Variants in MACF1 observed in about 807,000 individuals in gnomAD.
MACF1 encodes the protein microtubule-actin cross-linking factor 1.
MACF1 carries 193 observed loss-of-function variants against 854.8 expected under a neutral mutation model. That is an observed-to-expected ratio of 0.23 (90% CI 0.20 to 0.25). The LOEUF is 0.25. MACF1 is among the 10% of genes least tolerant of loss of function. The pLI is 1.00. For synonymous variants in MACF1, 3,185 were observed against 3,226.7 expected, an observed-to-expected ratio of 0.99 and a Z score of 0.44; for missense variants, 7,722 against 8,929.1, an observed-to-expected ratio of 0.86 and a Z score of 5.45.
chr1:39,301,158 G>A (rs57857317), intron 22 of MACF1, among the ~76,000 whole-genome samples: 9,942 of 151,634 alleles, frequency 0.066, 833 homozygotes, highest in African/African-American at 0.2. Flanking sequence ...ATGAAGTCTC[G>A]CCCTGTCGCC....
chr1:39,098,143 A>G (rs1345895508), intron 2 of MACF1, among the ~76,000 whole-genome samples: 1 of 152,234 alleles, frequency 6.6e-6, no homozygotes, highest in African/African-American at 2.4e-5. Context: ...GATTCCTTCA[A>G]GAGTGAAGAT....
Position 39,335,090 on chromosome 1 carries a change from G to A in MACF1, c.8502G>A (p.Glu2834=). The change falls in exon 37 of 101, where the codon GAG becomes GAA. Residue 2834 remains glutamate, a synonymous_variant. Coordinates refer to ENST00000564288, the MANE Select transcript of MACF1 (RefSeq NM_001394062.1). ...TTAAAGTGAGAGTTTCTGATGGGGA[G>A]CAGGCAAAAAAGAGCAGGGAAATTT... ...EKVKVRVSDG[E]QAKKSREISL... is the part of the protein sequence containing the mutation. The A allele has an allele frequency of 6.2e-7, 1 of 1,613,998 alleles. No homozygotes were observed. Among genetic ancestry groups the A allele is most frequent in the South Asian group, 1.1e-5 (1 of 91,060 alleles).
intron 1 of MACF1, among the ~76,000 whole-genome samples, chr1:39,223,494 G>A (rs1210360863): frequency 1.3e-5 from 2 of 152,210 alleles, no homozygotes; most frequent in East Asian, 3.9e-4. Context: ...ACCTAAGTAG[G>A]TGCTGAATAA....
At position 39,291,944 on chromosome 1, in the gene MACF1, T is replaced by C; in HGVS notation, c.1820T>C (p.Leu607Pro). 6.2e-7 allele frequency: 1 copy of C among 1,614,028 alleles called. No individual in the cohort carries two copies. Residue 607 changes from leucine to proline, a missense_variant, in exon 16 of 101, where the codon CTG (leucine) becomes CCG (proline). Transcript: ENST00000564288. ...KLERAEWGND[L>P]PSVELQLETQ... Reference sequence around the variant, plus strand: ...GAGCGAGCAGAGTGGGGCAATGACCTGCCTAGTGTGGAGTTGCAGCTAGAA... The same window carrying C: ...GAGCGAGCAGAGTGGGGCAATGACCCGCCTAGTGTGGAGTTGCAGCTAGAA...
chr1:39,435,833 T>A (rs572554821), intron 70 of MACF1, 72 bp downstream of exon 70: 1 of 1,377,912 alleles, frequency 7.3e-7, no homozygotes, highest in Non-Finnish European at 1.0e-6. Context: ...GTATCAGGTA[T>A]GTCTCTGTGC....
At position 39,485,869 on chromosome 1, in the gene MACF1, C is replaced by T. The variant is rs913438198; in HGVS notation, c.*75C>T. Reference sequence around the variant, plus strand: ...ACATTGGGTGTATATTTATTCTGAACGGGAGAAGTTATATTGTTAAAAGTG... The same window carrying T: ...ACATTGGGTGTATATTTATTCTGAATGGGAGAAGTTATATTGTTAAAAGTG... On this transcript the variant is annotated 3_prime_UTR_variant, in exon 101 of 101. Coordinates refer to ENST00000564288, the MANE Select transcript of MACF1 (RefSeq NM_001394062.1). 59 of 1,395,150 alleles carry T rather than the reference C, an allele frequency of 4.2e-5. No homozygotes were observed. In the Middle Eastern group the frequency reaches 5.6e-4, roughly 13 times the overall value. The allele number at this position is 1,395,150 out of a possible 1,614,324, so 86.4% of individuals were successfully genotyped here.
chr1:39,435,322 A>G (rs1390756893), intron 69 of MACF1, among the ~76,000 whole-genome samples: 4 of 152,222 alleles, frequency 2.6e-5, no homozygotes, highest in African/African-American at 9.6e-5. Context: ...GTTTCCAGGA[A>G]GGCTGCTAGG....
At chr1:39,101,386 A>G (rs1642072154) in intron 2 of MACF1, among the ~76,000 whole-genome samples, 1 of 129,868 alleles carries the variant, frequency 7.7e-6, no homozygotes, top group African/African-American at 2.7e-5. Flanking sequence ...ATATATATAT[A>G]TATGTGTGTG....
intron 58 of MACF1, among the ~76,000 whole-genome samples, chr1:39,398,386 A>G (rs1263569302): frequency 6.6e-6 from 1 of 151,832 alleles, no homozygotes; most frequent in Non-Finnish European, 1.5e-5. Context: ...TGATCTGCCT[A>G]CCTCAGCCTC....
intron 40 of MACF1, among the ~76,000 whole-genome samples, chr1:39,346,153 G>A (rs1215266163): frequency 6.6e-6 from 1 of 151,410 alleles, no homozygotes; most frequent in Non-Finnish European, 1.5e-5. Flanking sequence ...CATGAGGTCA[G>A]GAGATCGAGA....
At chr1:39,190,063 C>T (rs1460193461) in intron 2 of MACF1, among the ~76,000 whole-genome samples, 1 of 152,142 alleles carries the variant, frequency 6.6e-6, no homozygotes, top group Non-Finnish European at 1.5e-5. Flanking sequence ...AAGAACAGAA[C>T]TGGACCTATA....
chr1:39,328,133 G>A (rs1646651484), intron 36 of MACF1, among the ~76,000 whole-genome samples: 1 of 152,164 alleles, frequency 6.6e-6, no homozygotes, highest in African/African-American at 2.4e-5. Flanking sequence ...GACAAAGCAT[G>A]TCTTGATTCT....
chr1:39,337,392 T>C, intron 38 of MACF1, 61 bp downstream of exon 38: 2 of 1,563,976 alleles, frequency 1.3e-6, no homozygotes, highest in South Asian at 2.3e-5. Flanking sequence ...TCCATCTTCC[T>C]TGAAGATTTC....
intron 89 of MACF1, chr1:39,456,797 C>T (rs1644449269): frequency 6.6e-6 from 1 of 152,314 alleles, no homozygotes; most frequent in Admixed American, 6.6e-5. Context: ...CATCACTCCC[C>T]AAGTCCCTGT....
chr1:39,230,045 G>C (rs1054613394), intron 1 of MACF1, among the ~76,000 whole-genome samples: 2 of 152,226 alleles, frequency 1.3e-5, no homozygotes, highest in African/African-American at 4.8e-5. Context: ...CAATATGTGT[G>C]TCCCAAATGC....
At position 39,334,956 on chromosome 1, in the gene MACF1, G is replaced by A. The variant is rs2148473896; in HGVS notation, c.8368G>A (p.Gly2790Arg). 1 of 1,614,164 alleles carries A rather than the reference G, an allele frequency of 6.2e-7. No homozygotes were observed. The highest frequency in any genetic ancestry group is 1.1e-5 in the South Asian group (1 of 91,084). The change falls in exon 37 of 101, where the codon GGA becomes AGA. Residue 2790 changes from glycine (G) to arginine (R), a missense_variant. By Grantham distance (125) the Gly-to-Arg change is moderately radical. Around this residue, in one of 15 missense-constraint regions of MACF1, gnomAD observed 1,531 missense variants for 1,601.6 expected, o/e 0.96. Transcript: ENST00000564288. ...EVCALQNEFL[G>R]KDMLIACNQT... is the part of the protein sequence containing the mutation. ...GTGTGCATTACAAAATGAATTTCTA[G>A]GAAAGGATATGTTAATTGCTTGTAA...
In MACF1 at chr1:39,336,130, C is replaced by G. The variant is rs908910297; in HGVS notation, c.9542C>G (p.Ala3181Gly). 9 of 1,614,130 alleles carry G rather than the reference C, an allele frequency of 5.6e-6. 1 individual carries two copies. The highest frequency in any genetic ancestry group is 3.3e-5 in the Admixed American group (2 of 60,018). ...TACCAAGAAGTATCTTTTGACCCAGCAAGAGGTCTTAAATTGGAAGAAATC... is the reference window on the plus strand; with the variant it reads ...TACCAAGAAGTATCTTTTGACCCAGGAAGAGGTCTTAAATTGGAAGAAATC... ...KSYQEVSFDPARGLKLEEITV... is the reference protein window; with the variant it reads ...KSYQEVSFDPGRGLKLEEITV... Residue 3181 changes from alanine to glycine, a missense_variant, in exon 37 of 101, where the codon GCA (alanine) becomes GGA (glycine). Transcript: ENST00000564288.
At chr1:39,482,021 G>C (rs1645020440) in intron 99 of MACF1, among the ~76,000 whole-genome samples, 1 of 152,112 alleles carries the variant, frequency 6.6e-6, no homozygotes. Flanking sequence ...AATGGCTCCA[G>C]TTTCATAAAA....
At chr1:39,403,351 G>A (rs968007728) in intron 58 of MACF1, among the ~76,000 whole-genome samples, 5 of 152,018 alleles carry the variant, frequency 3.3e-5, no homozygotes, top group Admixed American at 6.6e-5. Context: ...TGCCTGTCTC[G>A]GCCTCCCAAA....
Sources: gnomAD v4.1 joint callset for allele counts (sites outside exome capture counted in the v4.1 genomes callset) on GRCh38, gnomAD v4.1.1 for gene constraint, gnomAD v4.1.1 regional missense constraint, MANE v1.5 for transcripts, NCBI Gene and HGNC (gene_info 2026-07-23, HGNC 2026-07-21) for gene names.